The following ADGRB3 variants were observed in gnomAD, a reference collection of about 807,000 sequenced individuals.
The protein encoded by ADGRB3 is brain-specific angiogenesis inhibitor 3.
Under a neutral mutation model 193.4 loss-of-function variants are expected in ADGRB3, and 37 were observed. The observed-to-expected ratio is 0.19, with a 90% CI of 0.15 to 0.25. The LOEUF is 0.25. Among genes scored for constraint, ADGRB3 ranks in the 10% least tolerant of loss-of-function variants. The pLI is 1.00. For synonymous variants in ADGRB3, 690 were observed against 644.2 expected (o/e 1.07, Z -1.08); for missense variants, 1,637 against 1,852.9 (o/e 0.88, Z 2.14).
intron 15 of ADGRB3, among the ~76,000 whole-genome samples, chr6:69,059,398 C>T (rs1045322977): frequency 6.6e-6 from 1 of 152,048 alleles, no homozygotes; most frequent in African/African-American, 2.4e-5. Flanking sequence ...TTTTTAATCA[C>T]TTTTTATACT....
At chr6:68,668,784 C>T (rs1179509324) in intron 3 of ADGRB3, among the ~76,000 whole-genome samples, 2 of 151,880 alleles carry the variant, frequency 1.3e-5, no homozygotes, top group Non-Finnish European at 2.9e-5. Context: ...CCTCGAGTTT[C>T]TTTTCTCTCT....
At chr6:69,287,767 C>A (rs915781693) in intron 20 of ADGRB3, among the ~76,000 whole-genome samples, 1 of 152,280 alleles carries the variant, frequency 6.6e-6, no homozygotes, top group East Asian at 1.9e-4. Flanking sequence ...AATGTCATAT[C>A]GAATTGGTCT....
chr6:68,926,918 T>G (rs111418589), intron 3 of ADGRB3, among the ~76,000 whole-genome samples: 1,914 of 152,246 alleles, frequency 0.013, 43 homozygotes, highest in African/African-American at 0.041. Flanking sequence ...CATAAAATTG[T>G]ACTGAAGGAA....
At chr6:69,147,783 C>G (rs534592382) in intron 17 of ADGRB3, among the ~76,000 whole-genome samples, 2 of 152,282 alleles carry the variant, frequency 1.3e-5, no homozygotes, top group East Asian at 1.9e-4. Flanking sequence ...CTATCTCTCA[C>G]TTTAGCTCTA....
intron 3 of ADGRB3, among the ~76,000 whole-genome samples, chr6:68,673,940 G>A (rs1020999040): frequency 5.1e-4 from 78 of 152,190 alleles, no homozygotes; most frequent in African/African-American, 1.8e-3. Flanking sequence ...ATTACTGGAA[G>A]AGTTGCCAAA....
chr6:69,031,207 G>A (rs763847992), intron 13 of ADGRB3, among the ~76,000 whole-genome samples: 3 of 150,568 alleles, frequency 2.0e-5, no homozygotes, highest in Non-Finnish European at 4.4e-5. Flanking sequence ...TTGGGAGGCC[G>A]AGGCGGGCGG....
intron 6 of ADGRB3, among the ~76,000 whole-genome samples, chr6:68,947,517 A>G (rs1767805014): frequency 6.6e-6 from 1 of 152,142 alleles, no homozygotes; most frequent in African/African-American, 2.4e-5. Flanking sequence ...ACATATCCAA[A>G]TTTCTAATAT....
chr6:69,108,452 G>A (rs2150324581), intron 17 of ADGRB3, among the ~76,000 whole-genome samples: 1 of 150,132 alleles, frequency 6.7e-6, no homozygotes, highest in Admixed American at 6.7e-5. Flanking sequence ...AGTGGACTTT[G>A]CAAGATTACA....
chr6:68,841,879 G>T (rs1162596788), intron 3 of ADGRB3, among the ~76,000 whole-genome samples: 3 of 151,946 alleles, frequency 2.0e-5, no homozygotes, highest in Admixed American at 6.6e-5. Flanking sequence ...GGTAGTGAGG[G>T]TGTGTGTGTG....
chr6:69,320,904 A>G (rs1768442005), intron 20 of ADGRB3, among the ~76,000 whole-genome samples: 1 of 149,746 alleles, frequency 6.7e-6, no homozygotes, highest in Non-Finnish European at 1.5e-5. Context: ...TTTTGAGAAA[A>G]TTTTCTGTAA....
intron 3 of ADGRB3, among the ~76,000 whole-genome samples, chr6:68,701,998 G>T (rs1385089838): frequency 6.6e-6 from 1 of 152,074 alleles, no homozygotes; most frequent in Non-Finnish European, 1.5e-5. Flanking sequence ...TTCTGGTTTG[G>T]CAGGTGTATT....
intron 3 of ADGRB3, among the ~76,000 whole-genome samples, chr6:68,782,662 A>G (rs1766878826): frequency 6.6e-6 from 1 of 151,498 alleles, no homozygotes; most frequent in Non-Finnish European, 1.5e-5. Context: ...AATGATCTCC[A>G]CTCTAACTGG....
At chr6:68,751,073 A>G (rs1338725377) in intron 3 of ADGRB3, among the ~76,000 whole-genome samples, 1 of 152,162 alleles carries the variant, frequency 6.6e-6, no homozygotes, top group African/African-American at 2.4e-5. Flanking sequence ...TGCTTCTGCA[A>G]ATGTGGATGC....
chr6:69,205,299 C>G (rs1281168170), intron 17 of ADGRB3, among the ~76,000 whole-genome samples: 1 of 151,934 alleles, frequency 6.6e-6, no homozygotes, highest in African/African-American at 2.4e-5. Context: ...CAAAGCTACT[C>G]TAAAGAAAGA....
At chr6:69,077,279 G>A (rs879054595) in intron 17 of ADGRB3, among the ~76,000 whole-genome samples, 1 of 151,802 alleles carries the variant, frequency 6.6e-6, no homozygotes, top group Admixed American at 6.6e-5. Flanking sequence ...GAATTTGGTG[G>A]TATAATCTAA....
At chr6:69,329,310 C>A (rs73471350) in intron 22 of ADGRB3, among the ~76,000 whole-genome samples, 20,365 of 151,990 alleles carry the variant, frequency 0.13, 1,488 homozygotes, top group Middle Eastern at 0.23. Flanking sequence ...TGGAAAAGTA[C>A]GGTTTTATCT....
chr6:68,852,230 T>C (rs1432820072), intron 3 of ADGRB3, among the ~76,000 whole-genome samples: 7 of 151,954 alleles, frequency 4.6e-5, no homozygotes, highest in African/African-American at 1.7e-4. Flanking sequence ...TTTATCTTAA[T>C]GTAGCCTTGA....
At chr6:69,154,833 T>C (rs1364486708) in intron 17 of ADGRB3, among the ~76,000 whole-genome samples, 1 of 152,240 alleles carries the variant, frequency 6.6e-6, no homozygotes, top group South Asian at 2.1e-4. Flanking sequence ...CATTCATCTA[T>C]CTATATATTC....
intron 3 of ADGRB3, among the ~76,000 whole-genome samples, chr6:68,909,256 C>T (rs914961329): frequency 6.6e-6 from 1 of 152,062 alleles, no homozygotes; most frequent in African/African-American, 2.4e-5. Context: ...TATATTTTTT[C>T]TAGCATTTTA....
Sources: allele counts gnomAD v4.1 joint callset (sites outside exome capture counted in the v4.1 genomes callset), GRCh38; gene constraint gnomAD v4.1.1; transcripts MANE v1.5; gene names NCBI Gene and HGNC (gene_info 2026-07-23, HGNC 2026-07-21).